Variants in ANK2 observed in about 807,000 individuals in gnomAD.
The protein encoded by ANK2 is ankyrin 2, also known as ankyrin-2.
A neutral mutation model predicts 360.5 loss-of-function variants in ANK2; 83 were observed. That is an observed-to-expected ratio of 0.23 (90% CI 0.19 to 0.28). The LOEUF (loss-of-function observed/expected upper bound fraction) is 0.28. Among genes scored for constraint, ANK2 ranks in the 10% least tolerant of loss-of-function variants. The probability of loss-of-function intolerance (pLI) is 1.00; values close to 1 mark genes in which losing one functional copy is unlikely to be tolerated. For missense variants in ANK2, 4,201 were observed against 4,795.7 expected (o/e 0.88, Z 3.66); for synonymous variants, 1,740 against 1,759.5 (o/e 0.99, Z 0.28).
At chr4:113,377,393 A>C (rs1272859765) in intron 45 of ANK2, among the ~76,000 whole-genome samples, 1 of 152,164 alleles carries the variant, frequency 6.6e-6, no homozygotes, top group Non-Finnish European at 1.5e-5. Context: ...TCATATATGC[A>C]GTCCATTTTT....
chr4:113,060,620 A>T (rs1407222501), intron 1 of ANK2, among the ~76,000 whole-genome samples: 1 of 150,002 alleles, frequency 6.7e-6, no homozygotes, highest in Non-Finnish European at 1.5e-5. Context: ...TTTATGTCCC[A>T]AACCTGTTTC....
chr4:113,203,749 A>T lies in ANK2; in HGVS notation c.384+4640A>T, dbSNP rs1439948108. On this transcript the variant is annotated intron_variant, in intron 4 of 45. Coordinates refer to ENST00000357077, the MANE Select transcript of ANK2 (RefSeq NM_001148.6). ...CCTTTACTTTATCATTATTGATGAC[A>T]AATTGAGACTCAGGTGGCTCATTTA... Among the ~76,000 whole-genome samples, 3 of 152,164 alleles carry T rather than the reference A, an allele frequency of 2.0e-5. No individual in the cohort carries two copies. In the East Asian group the frequency reaches 5.8e-4, roughly 29 times the overall value.
rs114055683 is a variant in ANK2, at chr4:113,100,454, A to G, written c.84+50642A>G. Among the ~76,000 whole-genome samples the G allele has an allele frequency of 8.4e-3, 1,276 of 152,228 alleles. 16 individuals are homozygous for G. Among genetic ancestry groups the G allele is most frequent in the African/African-American group, 0.029 (1,186 of 41,566 alleles). On this transcript the variant is annotated intron_variant, in intron 1 of 45. Transcript: ENST00000357077. Reference sequence around the variant, plus strand: ...ACAGTACAAACCTATTAGAATTACTAAATCCAAAACACTGGCAATACTGAA... The same window carrying G: ...ACAGTACAAACCTATTAGAATTACTGAATCCAAAACACTGGCAATACTGAA...
intron 1 of ANK2, among the ~76,000 whole-genome samples, chr4:113,171,395 C>T (rs1394978784): frequency 6.6e-6 from 1 of 152,142 alleles, no homozygotes; most frequent in Non-Finnish European, 1.5e-5. Context: ...TATTTCTATG[C>T]AGGTATATAA....
intron 9 of ANK2, among the ~76,000 whole-genome samples, chr4:113,243,246 A>G (rs1394797817): frequency 6.6e-6 from 1 of 152,232 alleles, no homozygotes; most frequent in Non-Finnish European, 1.5e-5. Flanking sequence ...ATGAAAGATG[A>G]TAAATAGAAT....
intron 2 of ANK2, among the ~76,000 whole-genome samples, chr4:113,044,443 G>C (rs2063763608): frequency 6.6e-6 from 1 of 152,168 alleles, no homozygotes; most frequent in South Asian, 2.1e-4. Flanking sequence ...AAATCTCAAG[G>C]CTGCAACCAA....
intron 17 of ANK2, among the ~76,000 whole-genome samples, 164 bp downstream of exon 17, chr4:113,278,722 T>G (rs2061175269): frequency 6.6e-6 from 1 of 152,240 alleles, no homozygotes. Flanking sequence ...TTCTGCCAGT[T>G]GCGTCTTGAA....
chr4:113,362,439 G>T (rs540994155), intron 39 of ANK2, among the ~76,000 whole-genome samples: 3 of 152,050 alleles, frequency 2.0e-5, no homozygotes, highest in Admixed American at 6.6e-5. Context: ...TTGTTATTTT[G>T]TTTTTGTTTT....
chr4:113,063,204 G>T (rs2074258970), intron 1 of ANK2, among the ~76,000 whole-genome samples: 1 of 152,032 alleles, frequency 6.6e-6, no homozygotes, highest in South Asian at 2.1e-4. Context: ...AATGGAAAAA[G>T]TTACCACCAA....
At chr4:113,254,592 T>A (rs947743640) in intron 10 of ANK2, among the ~76,000 whole-genome samples, 1 of 152,220 alleles carries the variant, frequency 6.6e-6, no homozygotes, top group African/African-American at 2.4e-5. Flanking sequence ...TAAACTTATT[T>A]AATGAACTTC....
intron 1 of ANK2, among the ~76,000 whole-genome samples, chr4:113,150,261 C>G (rs1379120403): frequency 6.6e-6 from 1 of 152,104 alleles, no homozygotes; most frequent in East Asian, 1.9e-4. Context: ...TCAGGATTTC[C>G]CAGCCTACTC....
chr4:112,786,017 T>C, the ANK2 span, among the ~76,000 whole-genome samples: 1 of 151,884 alleles, frequency 6.6e-6, no homozygotes, highest in African/African-American at 2.4e-5. Context: ...ATTTTTGTAT[T>C]TTTTTGTAGA....
At chr4:113,310,718 AC>A (rs1293566007) in intron 23 of ANK2, among the ~76,000 whole-genome samples, 1 of 152,194 alleles carries the variant, frequency 6.6e-6, no homozygotes, top group East Asian at 1.9e-4. Context: ...CAGCCAGCCA[AC>A]TTTTAGTTTT....
At chr4:112,803,823 A>C in the ANK2 span, among the ~76,000 whole-genome samples, 1 of 152,196 alleles carries the variant, frequency 6.6e-6, no homozygotes, top group Non-Finnish European at 1.5e-5. Flanking sequence ...TGTTGAATAA[A>C]TAAATAAAAT....
intron 1 of ANK2, among the ~76,000 whole-genome samples, chr4:112,821,831 A>G (rs1017627332): frequency 1.3e-5 from 2 of 151,458 alleles, no homozygotes; most frequent in Admixed American, 6.6e-5. Flanking sequence ...CATTCGTGCA[A>G]TCTTGGCTTA....
intron 1 of ANK2, among the ~76,000 whole-genome samples, chr4:113,164,501 C>T (rs905523589): frequency 2.6e-5 from 4 of 152,146 alleles, no homozygotes; most frequent in East Asian, 3.9e-4. Context: ...CCTTGGGGTG[C>T]GGTCAGCACC....
chr4:113,202,904 T>C (rs552853763), intron 4 of ANK2, among the ~76,000 whole-genome samples: 1 of 152,300 alleles, frequency 6.6e-6, no homozygotes, highest in East Asian at 1.9e-4. Flanking sequence ...TATTTTTGTT[T>C]CTTTGTTCAA....
At chr4:113,238,511 C>T (rs769587349) in intron 7 of ANK2, among the ~76,000 whole-genome samples, 12 of 152,120 alleles carry the variant, frequency 7.9e-5, no homozygotes, top group Non-Finnish European at 1.3e-4. Context: ...AGGTCAGAGA[C>T]AACGGAAAGC....
chr4:113,070,259 A>G (rs1400246461), intron 1 of ANK2: 1 of 152,124 alleles, frequency 6.6e-6, no homozygotes, highest in Admixed American at 6.6e-5. Flanking sequence ...TTCTAGACAA[A>G]GTTGATCAGC....
Sources: allele counts gnomAD v4.1 joint callset (sites outside exome capture counted in the v4.1 genomes callset), GRCh38; gene constraint gnomAD v4.1.1; transcripts MANE v1.5; gene names NCBI Gene and HGNC (gene_info 2026-07-23, HGNC 2026-07-21).